The following PDE2A variants were observed in gnomAD, a reference collection of about 807,000 sequenced individuals.
The protein encoded by PDE2A is cGMP-dependent 3',5'-cyclic phosphodiesterase.
A neutral mutation model predicts 133.6 loss-of-function variants in PDE2A; 53 were observed. The ratio of observed to expected loss-of-function variants is 0.40; its 90% CI spans 0.32 to 0.50. The LOEUF (loss-of-function observed/expected upper bound fraction) is 0.50. Among genes scored for constraint, PDE2A ranks in the 20% least tolerant of loss-of-function variants. The pLI is 0.73. For synonymous variants in PDE2A, 491 were observed against 490.2 expected, an observed-to-expected ratio of 1.00 and a Z score of -0.02; for missense variants, 796 against 1,232.4, an observed-to-expected ratio of 0.65 and a Z score of 5.30.
At chr11:72,589,441 C>T (rs1232482960) in intron 11 of PDE2A, among the ~76,000 whole-genome samples, 1 of 152,150 alleles carries the variant, frequency 6.6e-6, no homozygotes, top group African/African-American at 2.4e-5. Flanking sequence ...TCCCTAACTA[C>T]GAGAGAGATA....
intron 1 of PDE2A, among the ~76,000 whole-genome samples, chr11:72,664,519 G>A (rs188527575): frequency 1.8e-3 from 268 of 145,370 alleles, no homozygotes; most frequent in South Asian, 5.6e-3. Context: ...GACTACAGGC[G>A]CCCCCCACCA....
At position 72,590,135 on chromosome 11, in the gene PDE2A, T is replaced by G; in HGVS notation, c.756+57A>C. 6.8e-7 allele frequency: 1 copy of G among 1,473,844 alleles called. No homozygotes were observed. Among genetic ancestry groups the G allele is most frequent in the Non-Finnish European group, 9.3e-7 (1 of 1,080,056 alleles). The allele number at this position is 1,473,844 out of a possible 1,614,324, so 91.3% of individuals were successfully genotyped here. A position where few individuals can be genotyped will look rare whatever the true frequency, so the allele number is the denominator to read the frequency against. On this transcript the variant is annotated intron_variant, in intron 9 of 30. Transcript: ENST00000334456. The surrounding 1 kb of genome is among the most constrained non-coding windows in gnomAD (Gnocchi z 4.8). The stretch of plus-strand genomic sequence containing the variant: ...CTGAGATGGAGGGCTCAAGGGGAAG[T>G]TGGTCCCCGGAGGGAGACAGGACGG...
intron 25 of PDE2A, chr11:72,579,952 G>C (rs943501806): frequency 3.7e-6 from 1 of 268,556 alleles, no homozygotes; most frequent in African/African-American, 2.2e-5. Context: ...TTGCTGACAA[G>C]GAGAGGCAGT....
intron 4 of PDE2A, 111 bp downstream of exon 4, chr11:72,605,027 G>T: frequency 3.3e-6 from 2 of 605,852 alleles, no homozygotes; most frequent in African/African-American, 1.8e-5. Context: ...GCAGGGAGGC[G>T]GGGATCAATG....
chr11:72,595,033 GAGAC>G (rs1273336155), intron 6 of PDE2A, among the ~76,000 whole-genome samples: 2 of 102,512 alleles, frequency 2.0e-5, no homozygotes, highest in East Asian at 6.8e-4. Context: ...CAGCGTCCCT[GAGAC>G]ACACACACAC....
At chr11:72,599,961 A>C (rs190740022) in intron 4 of PDE2A, among the ~76,000 whole-genome samples, 1 of 152,338 alleles carries the variant, frequency 6.6e-6, no homozygotes, top group Non-Finnish European at 1.5e-5. Context: ...GAGACATCTG[A>C]GTTGAGTCCT....
At chr11:72,628,434 C>T (rs1858197202) in intron 2 of PDE2A, among the ~76,000 whole-genome samples, 1 of 151,870 alleles carries the variant, frequency 6.6e-6, no homozygotes, top group African/African-American at 2.4e-5. Context: ...GGGTTCACAC[C>T]ATTCTCCTGC....
chr11:72,670,235 C>T (rs1855353934), intron 1 of PDE2A, among the ~76,000 whole-genome samples: 1 of 152,058 alleles, frequency 6.6e-6, no homozygotes, highest in South Asian at 2.1e-4. Context: ...AAATACCTTC[C>T]TGCGACATTA....
intron 1 of PDE2A, among the ~76,000 whole-genome samples, chr11:72,646,784 G>A (rs1341888809): frequency 1.3e-5 from 2 of 152,060 alleles, no homozygotes; most frequent in African/African-American, 4.8e-5. Context: ...CCAACCTGTT[G>A]CCCTCCCATT....
intron 1 of PDE2A, among the ~76,000 whole-genome samples, chr11:72,651,968 C>G (rs963309117): frequency 5.9e-5 from 9 of 152,216 alleles, no homozygotes; most frequent in Non-Finnish European, 5.9e-5. Flanking sequence ...GTTTCCTGAT[C>G]TCTACGATGA....
At chr11:72,667,913 G>A (rs974765333) in intron 1 of PDE2A, among the ~76,000 whole-genome samples, 2 of 151,634 alleles carry the variant, frequency 1.3e-5, no homozygotes, top group Non-Finnish European at 2.9e-5. Context: ...AAGGAGAGGA[G>A]AAGGAAGAAA....
intron 1 of PDE2A, among the ~76,000 whole-genome samples, chr11:72,649,782 G>A (rs563945324): frequency 6.6e-5 from 10 of 152,118 alleles, no homozygotes; most frequent in Admixed American, 2.0e-4. Flanking sequence ...CTTCCACAGC[G>A]CCATCCTGTC....
At chr11:72,669,938 G>A (rs1855346484) in intron 1 of PDE2A, among the ~76,000 whole-genome samples, 1 of 152,152 alleles carries the variant, frequency 6.6e-6, no homozygotes, top group South Asian at 2.1e-4. Flanking sequence ...TTACAATAAT[G>A]CCTACACATC....
intron 1 of PDE2A, among the ~76,000 whole-genome samples, chr11:72,662,755 T>C (rs1250387756): frequency 1.3e-5 from 2 of 152,150 alleles, no homozygotes; most frequent in African/African-American, 4.8e-5. Flanking sequence ...GCAACTCACA[T>C]GTCCTTGGCC....
chr11:72,626,432 TG>T lies in PDE2A; in HGVS notation c.144+15821del, dbSNP rs3837413. 7.7e-3 allele frequency among the ~76,000 whole-genome samples: 1,167 copies of T among 152,288 alleles called. 40 individuals carry two copies. In the East Asian group the frequency reaches 0.087, roughly 11 times the overall value. On this transcript the variant is annotated intron_variant, in intron 2 of 30. Coordinates refer to ENST00000334456, the MANE Select transcript of PDE2A (RefSeq NM_002599.5). ...GCCAACTTGTTGGCAGCCACTCCCT[TG>T]GGGCCATGGGGCATTGTAGAGGCCA...
chr11:72,659,466 C>G (rs911858464), intron 1 of PDE2A: 4 of 151,854 alleles, frequency 2.6e-5, no homozygotes, highest in South Asian at 2.1e-4. Flanking sequence ...AGGCCTCCCC[C>G]ACAGGAGAGA....
At chr11:72,619,467 G>A (rs932009772) in intron 2 of PDE2A, among the ~76,000 whole-genome samples, 1 of 152,150 alleles carries the variant, frequency 6.6e-6, no homozygotes, top group Non-Finnish European at 1.5e-5. Context: ...AAGTATGTAG[G>A]TCTGTGTCTC....
At chr11:72,631,189 T>A in intron 2 of PDE2A, 1 of 1,441,454 alleles carries the variant, frequency 6.9e-7, no homozygotes, top group Non-Finnish European at 9.4e-7. Flanking sequence ...CCTTCTCCCC[T>A]TCTCCCCAGA....
At chr11:72,635,984 A>G in intron 2 of PDE2A, 2 of 1,236,270 alleles carry the variant, frequency 1.6e-6, no homozygotes, top group Non-Finnish European at 2.1e-6. Flanking sequence ...TCTTACCCTG[A>G]GCTCCCGAAA....
Sources: allele counts gnomAD v4.1 joint callset (sites outside exome capture counted in the v4.1 genomes callset), GRCh38; gene constraint gnomAD v4.1.1; non-coding constraint Gnocchi (gnomAD v3.1); transcripts MANE v1.5; gene names NCBI Gene and HGNC (gene_info 2026-07-23, HGNC 2026-07-21).